PDE2A: variants seen among roughly 807,000 people sequenced by gnomAD.
PDE2A encodes phosphodiesterase 2A.
Under a neutral mutation model 133.6 loss-of-function variants are expected in PDE2A, and 53 were observed. That is an observed-to-expected ratio of 0.40 (90% CI 0.32 to 0.50). The LOEUF (loss-of-function observed/expected upper bound fraction) is 0.50. PDE2A is among the 20% of genes least tolerant of loss of function. The pLI, the probability that PDE2A is intolerant of heterozygous loss-of-function variation, is 0.73. For missense variants in PDE2A, 796 were observed against 1,232.4 expected (o/e 0.65, Z 5.30); for synonymous variants, 491 against 490.2 (o/e 1.00, Z -0.02).
intron 2 of PDE2A, among the ~76,000 whole-genome samples, chr11:72,628,826 C>G (rs1038301688): frequency 6.6e-6 from 1 of 152,212 alleles, no homozygotes; most frequent in Non-Finnish European, 1.5e-5. Context: ...CCCTCAGGCT[C>G]CCAGTCCCTT....
At chr11:72,652,824 G>A (rs1205211613) in intron 1 of PDE2A, 1 of 418,108 alleles carries the variant, frequency 2.4e-6, no homozygotes, top group African/African-American at 2.1e-5. Flanking sequence ...AAGAGCCCAG[G>A]GCCTCCCCCA....
chr11:72,643,598 C>G (rs1315689723), intron 1 of PDE2A: 1 of 152,522 alleles, frequency 6.6e-6, no homozygotes, highest in African/African-American at 2.4e-5. Context: ...CTCTCTGCAG[C>G]TCCCCTCCTC....
In PDE2A at chr11:72,588,892, C is replaced by T; in HGVS notation, c.962G>A (p.Ser321Asn). ...GGCCTGCAGCTCACAGCCCAACATG[C>T]TCTGCAGCTGTTGTACATCCTCCTG... is the stretch of plus-strand genomic sequence containing the variant. ...LTSEDVQQLQ[S>N]MLGCELQAML... Residue 321 changes from serine (S) to asparagine (N), a missense_variant, in exon 13 of 31, where the codon AGC becomes AAC. Transcript: ENST00000334456. 2 of 1,607,922 alleles carry T rather than the reference C, an allele frequency of 1.2e-6. No homozygotes were observed. Among genetic ancestry groups the T allele is most frequent in the Non-Finnish European group, 1.7e-6 (2 of 1,175,512 alleles).
chr11:72,617,961 C>T (rs1179728324), intron 2 of PDE2A, among the ~76,000 whole-genome samples: 1 of 152,180 alleles, frequency 6.6e-6, no homozygotes, highest in Non-Finnish European at 1.5e-5. Flanking sequence ...CACGCCTGCC[C>T]TCCGGGGTCC....
rs73544400 is a variant in PDE2A at position 72,636,326 on chromosome 11, T to G, written c.144+5928A>C. ...TTTAGCATTTTCATAAATTTACATT[T>G]TTACTCATTTTGGAATGTACTCAGA... On this transcript the variant is annotated intron_variant, in intron 2 of 30. Transcript: ENST00000334456. 7.6e-3 allele frequency among the ~76,000 whole-genome samples: 1,156 copies of G among 152,334 alleles called. 13 individuals are homozygous for G. Among genetic ancestry groups the G allele is most frequent in the African/African-American group, 0.026 (1,090 of 41,560 alleles).
At chr11:72,619,013 G>A (rs1043436961) in intron 2 of PDE2A, among the ~76,000 whole-genome samples, 3 of 152,066 alleles carry the variant, frequency 2.0e-5, no homozygotes, top group South Asian at 2.1e-4. Flanking sequence ...CTCACATCCC[G>A]AGGATCTGGG....
At chr11:72,582,177 G>A (rs1470385853) in intron 21 of PDE2A, 1 of 609,438 alleles carries the variant, frequency 1.6e-6, no homozygotes, top group Non-Finnish European at 2.9e-6. Flanking sequence ...GAAAAACAGG[G>A]TTGGGAGGGA....
intron 2 of PDE2A, chr11:72,631,267 C>A (rs945741830): frequency 4.8e-5 from 31 of 649,704 alleles, no homozygotes; most frequent in Middle Eastern, 4.0e-4. Context: ...TGCCTGCTTG[C>A]ACCCTGCTCT....
chr11:72,614,847 A>G (rs937895236), intron 2 of PDE2A, among the ~76,000 whole-genome samples: 1 of 152,164 alleles, frequency 6.6e-6, no homozygotes, highest in Admixed American at 6.5e-5. Flanking sequence ...GGGTGGAAGG[A>G]CAGAGGGAGA....
At chr11:72,645,224 T>C (rs1859100953) in intron 1 of PDE2A, among the ~76,000 whole-genome samples, 1 of 152,228 alleles carries the variant, frequency 6.6e-6, no homozygotes, top group African/African-American at 2.4e-5. Flanking sequence ...ATAGACTTGC[T>C]GTGGGATTCT....
At chr11:72,582,808 C>T (rs534848641) in intron 20 of PDE2A, among the ~76,000 whole-genome samples, 1 of 152,294 alleles carries the variant, frequency 6.6e-6, no homozygotes, top group Non-Finnish European at 1.5e-5. Flanking sequence ...TGGCAAAGAT[C>T]GACAACACCC....
chr11:72,665,274 C>T (rs1172424773), intron 1 of PDE2A, among the ~76,000 whole-genome samples: 2 of 152,060 alleles, frequency 1.3e-5, no homozygotes, highest in Non-Finnish European at 2.9e-5. Flanking sequence ...CATGGGCCTC[C>T]CACCCTAGAG....
intron 1 of PDE2A, among the ~76,000 whole-genome samples, chr11:72,667,789 T>C (rs981601047): frequency 6.7e-6 from 1 of 150,040 alleles, no homozygotes; most frequent in African/African-American, 2.5e-5. Flanking sequence ...GGCAGGAGGA[T>C]AGCTTCAGCC....
chr11:72,672,023 T>C (rs1487988219), intron 1 of PDE2A, among the ~76,000 whole-genome samples: 3 of 152,114 alleles, frequency 2.0e-5, no homozygotes, highest in Non-Finnish European at 4.4e-5. Flanking sequence ...TGTTCTCATC[T>C]ATCCAGCCTT....
At chr11:72,596,172 C>T (rs962982981) in intron 6 of PDE2A, among the ~76,000 whole-genome samples, 1 of 152,196 alleles carries the variant, frequency 6.6e-6, no homozygotes, top group Non-Finnish European at 1.5e-5. Flanking sequence ...TCTCTTCACA[C>T]CTCACTTGGT....
intron 1 of PDE2A, among the ~76,000 whole-genome samples, chr11:72,666,474 C>T (rs368382962): frequency 5.3e-5 from 8 of 152,120 alleles, no homozygotes; most frequent in African/African-American, 1.7e-4. Flanking sequence ...CTGGCCCAAC[C>T]TGAGACTGAA....
chr11:72,628,159 C>T (rs1050617482), intron 2 of PDE2A, among the ~76,000 whole-genome samples: 10 of 152,222 alleles, frequency 6.6e-5, no homozygotes, highest in Middle Eastern at 3.2e-3. Flanking sequence ...CTAGTCCTGG[C>T]TCTAAGGATG....
intron 1 of PDE2A, among the ~76,000 whole-genome samples, chr11:72,646,177 C>A (rs559953644): frequency 8.5e-5 from 13 of 152,342 alleles, no homozygotes; most frequent in African/African-American, 3.1e-4. Context: ...CTCTAGCCAA[C>A]TCTTTTTGTC....
rs777099365 is a variant in PDE2A, at chr11:72,589,735, C to T, written c.873+16G>A. On this transcript the variant is annotated intron_variant, in intron 11 of 30. Transcript: ENST00000334456. ...GCCCCTGCAGACTCCAACGAGAAGACAGACGCGGGACTCACGGGAAAGCTG... is the reference window on the plus strand; with the variant it reads ...GCCCCTGCAGACTCCAACGAGAAGATAGACGCGGGACTCACGGGAAAGCTG... 11 of 1,613,492 alleles carry T rather than the reference C, an allele frequency of 6.8e-6. No individual in the cohort carries two copies. The Admixed American group carries it at 1.8e-4, about 27-fold the overall frequency.
Sources: allele counts gnomAD v4.1 joint callset (sites outside exome capture counted in the v4.1 genomes callset), GRCh38; gene constraint gnomAD v4.1.1; transcripts MANE v1.5; gene names NCBI Gene and HGNC (gene_info 2026-07-23, HGNC 2026-07-21).